RBFOX3: variants seen among roughly 807,000 people sequenced by gnomAD.
RBFOX3 encodes RNA binding fox-1 homolog 3, also known as RNA binding protein fox-1 homolog 3.
Under a neutral mutation model 48.7 loss-of-function variants are expected in RBFOX3, and 17 were observed. The ratio of observed to expected loss-of-function variants is 0.35; its 90% CI spans 0.24 to 0.52. The LOEUF (loss-of-function observed/expected upper bound fraction) is 0.52. Ranked by LOEUF, RBFOX3 falls within the 20% of genes least tolerant of loss-of-function variation. The pLI is 0.94. For synonymous variants in RBFOX3, 212 were observed against 209.5 expected (o/e 1.01, Z -0.10); for missense variants, 382 against 497.5 (o/e 0.77, Z 2.21).
chr17:79,129,834 G>A lies in RBFOX3; in HGVS notation c.-33-14086C>T, dbSNP rs141837785. On this transcript the variant is annotated intron_variant, in intron 4 of 14. Transcript: ENST00000693108. Reference sequence around the variant, plus strand: ...GCTGGGAAGAGATACTTACAGTCCAGAGCTTATATGACACCCCAGCCCATG... The same window carrying A: ...GCTGGGAAGAGATACTTACAGTCCAAAGCTTATATGACACCCCAGCCCATG... 2.5e-3 allele frequency among the ~76,000 whole-genome samples: 387 copies of A among 152,348 alleles called. 1 individual carries two copies. The highest frequency in any genetic ancestry group is 8.7e-3 in the African/African-American group (360 of 41,584).
chr17:79,112,584 C>G (rs531817662), intron 5 of RBFOX3, among the ~76,000 whole-genome samples: 8 of 152,162 alleles, frequency 5.3e-5, no homozygotes, highest in African/African-American at 1.9e-4. Flanking sequence ...CCCATCGACG[C>G]CATCAGCCCC....
chr17:79,652,723 G>T, the RBFOX3 span, among the ~76,000 whole-genome samples: 2 of 150,178 alleles, frequency 1.3e-5, no homozygotes, highest in Non-Finnish European at 3.0e-5. Flanking sequence ...GAAGAGTTAG[G>T]TAATGAAGCC....
chr17:79,360,432 C>T (rs993893037), intron 2 of RBFOX3, among the ~76,000 whole-genome samples: 4 of 152,186 alleles, frequency 2.6e-5, no homozygotes, highest in Admixed American at 6.5e-5. Context: ...CCCCGCCAAG[C>T]GCCGCACCCT....
chr17:79,130,622 G>A (rs752205607), intron 4 of RBFOX3, among the ~76,000 whole-genome samples: 3 of 152,244 alleles, frequency 2.0e-5, no homozygotes, highest in Non-Finnish European at 2.9e-5. Context: ...GCAGGGAGGC[G>A]CTGAGTGGGC....
intron 1 of RBFOX3, chr17:79,602,138 C>T (rs1354210825): frequency 6.6e-6 from 1 of 152,168 alleles, no homozygotes; most frequent in Non-Finnish European, 1.5e-5. Flanking sequence ...ATAAAGTTGT[C>T]CCAGACAACG....
intron 1 of RBFOX3, among the ~76,000 whole-genome samples, chr17:79,533,534 A>G (rs145247302): frequency 6.6e-6 from 1 of 152,336 alleles, no homozygotes; most frequent in African/African-American, 2.4e-5. Flanking sequence ...TCTGAAAAGC[A>G]TTTCCATTAC....
chr17:79,268,493 G>T (rs2067117537), intron 3 of RBFOX3, among the ~76,000 whole-genome samples: 1 of 152,122 alleles, frequency 6.6e-6, no homozygotes, highest in Non-Finnish European at 1.5e-5. Flanking sequence ...TCCCGCTGCG[G>T]GTGGGGACGT....
chr17:79,518,809 G>T (rs1443262263), intron 1 of RBFOX3, among the ~76,000 whole-genome samples: 1 of 152,262 alleles, frequency 6.6e-6, no homozygotes. Context: ...CCGCAGAGTG[G>T]TGTCTAGCTC....
At position 79,309,474 on chromosome 17, in the gene RBFOX3, A is replaced by G. The variant is rs149765134; in HGVS notation, c.-174-1650T>C. Among the ~76,000 whole-genome samples, 730 of 150,276 alleles carry G rather than the reference A, an allele frequency of 4.9e-3. 5 individuals carry two copies. Among genetic ancestry groups the G allele is most frequent in the African/African-American group, 0.017 (699 of 40,660 alleles). On this transcript the variant is annotated intron_variant, in intron 2 of 14. Coordinates refer to ENST00000693108, the MANE Select transcript of RBFOX3 (RefSeq NM_001350451.2). ...CATGGGGGCCTTCTGGTTGGATTTG[A>G]CCTCAGGGTCCTTGCACATGTTGTC... is the stretch of plus-strand genomic sequence containing the variant.
chr17:79,468,937 A>AGGAT (rs199614550), intron 2 of RBFOX3, among the ~76,000 whole-genome samples: 7,044 of 89,956 alleles, frequency 0.078, 228 homozygotes, highest in East Asian at 0.12. Flanking sequence ...TAGAGACGGG[A>AGGAT]GGATGGATGG....
intron 2 of RBFOX3, among the ~76,000 whole-genome samples, chr17:79,369,091 C>CATCT (rs796231714): frequency 2.1e-4 from 32 of 152,238 alleles, no homozygotes; most frequent in African/African-American, 7.0e-4. Context: ...AGCCTGGGGG[C>CATCT]ATCTGCTCTG....
intron 4 of RBFOX3, among the ~76,000 whole-genome samples, chr17:79,233,148 C>T (rs573208656): frequency 5.9e-5 from 9 of 152,158 alleles, no homozygotes; most frequent in African/African-American, 1.7e-4. Flanking sequence ...TCAATCCCAG[C>T]GTGGAATACT....
chr17:79,460,467 G>A (rs1346830509), intron 2 of RBFOX3, among the ~76,000 whole-genome samples: 4 of 152,260 alleles, frequency 2.6e-5, no homozygotes, highest in South Asian at 4.1e-4. Context: ...GGCAGAGCTC[G>A]CAGGACTGTG....
chr17:79,183,667 C>G (rs372018079), intron 4 of RBFOX3, among the ~76,000 whole-genome samples: 1 of 152,110 alleles, frequency 6.6e-6, no homozygotes, highest in Non-Finnish European at 1.5e-5. Context: ...ACTTTGGAGC[C>G]TCCGGAGCCC....
At chr17:79,648,259 T>A in the RBFOX3 span, among the ~76,000 whole-genome samples, 1 of 151,926 alleles carries the variant, frequency 6.6e-6, no homozygotes, top group East Asian at 1.9e-4. Flanking sequence ...CTGGCAAGAG[T>A]ACCTGCAGGA....
At chr17:79,556,136 G>A (rs2143940351) in intron 1 of RBFOX3, among the ~76,000 whole-genome samples, 1 of 152,278 alleles carries the variant, frequency 6.6e-6, no homozygotes, top group East Asian at 1.9e-4. Flanking sequence ...CCAGGATCAG[G>A]AGAGCAGTTT....
chr17:79,489,240 T>TAAAAAAAAAAAAAAAAAAAAAAAAAA (rs71161671), intron 1 of RBFOX3, among the ~76,000 whole-genome samples: 1 of 126,510 alleles, frequency 7.9e-6, no homozygotes, highest in Non-Finnish European at 1.6e-5. Context: ...GCCAGAAAGT[T>TAAAAAAAAAAAAAAAAAAAAAAAAAA]AAAAAAAAAA....
intron 2 of RBFOX3, among the ~76,000 whole-genome samples, chr17:79,384,753 C>T (rs566027306): frequency 7.9e-5 from 12 of 152,344 alleles, no homozygotes; most frequent in African/African-American, 1.7e-4. Flanking sequence ...AGTCACCTGC[C>T]GTGGAGGAGG....
intron 3 of RBFOX3, among the ~76,000 whole-genome samples, chr17:79,304,385 T>C (rs944549045): frequency 4.3e-4 from 64 of 150,534 alleles, no homozygotes; most frequent in African/African-American, 1.3e-3. Context: ...TGTACATATA[T>C]TTGTATATAA....
Sources: allele counts gnomAD v4.1 joint callset (sites outside exome capture counted in the v4.1 genomes callset), GRCh38; gene constraint gnomAD v4.1.1; transcripts MANE v1.5; gene names NCBI Gene and HGNC (gene_info 2026-07-23, HGNC 2026-07-21).